GPR142: variants seen among roughly 807,000 people sequenced by gnomAD.
GPR142 encodes G protein-coupled receptor 142, also known as G-protein coupled receptor 142 long form.
GPR142 carries 9 observed loss-of-function variants against 10.6 expected under a neutral mutation model. The observed-to-expected ratio is 0.85, with a 90% CI of 0.51 to 1.48. GPR142 has a LOEUF of 1.48. Among genes scored for constraint, GPR142 ranks in the 40% most tolerant of loss-of-function variants. GPR142 has a pLI of 0.00. For missense variants in GPR142, 482 were observed against 506.0 expected (o/e 0.95, Z 0.45); for synonymous variants, 202 against 221.2 (o/e 0.91, Z 0.77).
Position 74,367,630 on chromosome 17 carries a change from C to G in GPR142, c.-238C>G, listed in dbSNP as rs1200774684. 9.3e-6 allele frequency: 15 copies of G among 1,614,088 alleles called. No homozygotes were observed. The highest frequency in any genetic ancestry group is 1.3e-5 in the African/African-American group (1 of 74,918). On this transcript the variant is annotated 5_prime_UTR_variant, in exon 1 of 4. Transcript: ENST00000582579. ...GAAGACAAATCAATGGTGTCCCATG[C>G]ACAGAAAAGCCAGCATTCTTGTCTC...
chr17:74,369,565 C>A lies in GPR142; in HGVS notation c.25C>A (p.Pro9Thr). Residue 9 changes from proline to threonine, a missense_variant, in exon 2 of 4, where the codon CCT becomes ACT. Pro to Thr is a conservative substitution (Grantham distance 38, BLOSUM62 -1). Transcript: ENST00000582579. MLTGSCGD[P>T]QKKPQVTQDS... ...GATGCTGACAGGGAGCTGCGGGGAC[C>A]CTCAGAAAAAGCCACAGGTGACCCA... 2.6e-6 allele frequency: 4 copies of A among 1,552,838 alleles called. No individual in the cohort carries two copies. Among genetic ancestry groups the A allele is most frequent in the Non-Finnish European group, 3.5e-6 (4 of 1,147,650 alleles).
rs776330900 is a variant in GPR142, at chr17:74,367,799, G to A, written c.-74+5G>A. 1.0e-5 allele frequency: 16 copies of A among 1,592,222 alleles called. No individual in the cohort carries two copies. The East Asian group carries it at 2.5e-4, about 25-fold the overall frequency. On this transcript the variant is annotated splice_donor_5th_base_variant and intron_variant, in intron 1 of 3. Transcript: ENST00000582579. ...GGCCTTCTATGGGGTGGGATGGTAA[G>A]TTGCTGGAAGGACGTGCATGGGGCA...
intron 1 of GPR142, 59 bp from the exon 2 acceptor site, chr17:74,369,409 T>G (rs958810679): frequency 1.3e-6 from 2 of 1,506,504 alleles, no homozygotes; most frequent in Non-Finnish European, 9.0e-7. Context: ...CTTTCCCCGG[T>G]GCCTCCGCCC....
At chr17:74,368,479 G>A (rs187597685) in intron 1 of GPR142, among the ~76,000 whole-genome samples, 28 of 151,522 alleles carry the variant, frequency 1.8e-4, no homozygotes, top group Non-Finnish European at 2.9e-4. Context: ...GAGTATCCGA[G>A]GGGGGGTTGG....
chr17:74,368,687 T>C (rs770593393), intron 1 of GPR142, among the ~76,000 whole-genome samples: 1 of 152,146 alleles, frequency 6.6e-6, no homozygotes, highest in Non-Finnish European at 1.5e-5. Context: ...CTCTGGTCAC[T>C]CTTCCTCTAG....
chr17:74,371,808 C>A lies in GPR142; in HGVS notation c.333C>A (p.Leu111=). 6.2e-7 allele frequency: 1 copy of A among 1,613,582 alleles called. No homozygotes were observed. Among genetic ancestry groups the A allele is most frequent in the South Asian group, 1.1e-5 (1 of 91,078 alleles). ...CCTCCTACTACTACCTTCTGGCGCT[C>A]ACAGCCTCGGATATCATCATCCAGG... ...RRPSYYYLLA[L]TASDIIIQVV... is the part of the protein sequence containing the mutation. The change falls in exon 4 of 4, where the codon CTC becomes CTA. Residue 111 remains leucine, a synonymous_variant. Coordinates refer to ENST00000582579, the MANE Select transcript of GPR142 (RefSeq NM_001331076.1).
Position 74,371,267 on chromosome 17 carries a change from C to G in GPR142, c.254-462C>G, listed in dbSNP as rs999700169. Reference sequence around the variant, plus strand: ...CACTTCCCAGGTTCAAGCAATTCTCCTGCCTCAGCCTCCCAAGTAGCTGGG... The same window carrying G: ...CACTTCCCAGGTTCAAGCAATTCTCGTGCCTCAGCCTCCCAAGTAGCTGGG... On this transcript the variant is annotated intron_variant, in intron 3 of 3. Coordinates refer to ENST00000582579, the MANE Select transcript of GPR142 (RefSeq NM_001331076.1). Among the ~76,000 whole-genome samples the G allele has an allele frequency of 3.2e-4, 48 of 148,904 alleles. No individual in the cohort carries two copies. The Admixed American group carries it at 3.3e-3, about 10-fold the overall frequency.
chr17:74,370,123 G>A (rs1306709397), intron 2 of GPR142, among the ~76,000 whole-genome samples: 5 of 151,944 alleles, frequency 3.3e-5, no homozygotes, highest in African/African-American at 4.8e-5. Flanking sequence ...TTACAAGCAC[G>A]GCTGCTGCAA....
intron 2 of GPR142, 40 bp from the exon 3 acceptor site, chr17:74,370,481 T>A: frequency 6.4e-7 from 1 of 1,571,990 alleles, no homozygotes. Context: ...AGGTTAGAAA[T>A]AGACCAGAGG....
At chr17:74,367,850 C>T in intron 1 of GPR142, 56 bp downstream of exon 1, 1 of 1,451,004 alleles carries the variant, frequency 6.9e-7, no homozygotes, top group South Asian at 1.4e-5. Flanking sequence ...CAGTCCCCCT[C>T]CTCCATCTCT....
intron 1 of GPR142, among the ~76,000 whole-genome samples, chr17:74,368,841 C>T (rs1269929633): frequency 6.6e-6 from 1 of 152,156 alleles, no homozygotes; most frequent in Non-Finnish European, 1.5e-5. Context: ...TTCCCAGCAC[C>T]GGCTGCAGGC....
chr17:74,369,679 A>G, intron 2 of GPR142, 45 bp downstream of exon 2: 1 of 1,520,084 alleles, frequency 6.6e-7, no homozygotes, highest in Non-Finnish European at 8.8e-7. Flanking sequence ...ATAAGGTGGA[A>G]AGGCAGGAGG....
At chr17:74,368,629 G>A (rs559388638) in intron 1 of GPR142, among the ~76,000 whole-genome samples, 1 of 152,292 alleles carries the variant, frequency 6.6e-6, no homozygotes, top group South Asian at 2.1e-4. Flanking sequence ...CTCTCCTCCC[G>A]AGACCGTCCA....
At chr17:74,368,035 C>T (rs1035434729) in intron 1 of GPR142, among the ~76,000 whole-genome samples, 1 of 152,158 alleles carries the variant, frequency 6.6e-6, no homozygotes, top group Admixed American at 6.5e-5. Context: ...AATCCCAGCT[C>T]TTTGAGAGGC....
intron 3 of GPR142, among the ~76,000 whole-genome samples, chr17:74,371,275 G>A (rs1275245802): frequency 1.3e-5 from 2 of 151,402 alleles, no homozygotes; most frequent in Non-Finnish European, 2.9e-5. Flanking sequence ...TCCTGCCTCA[G>A]CCTCCCAAGT....
At position 74,372,556 on chromosome 17, in the gene GPR142, C is replaced by T. The variant is rs1172701334; in HGVS notation, c.1081C>T (p.Pro361Ser). 3 of 1,610,666 alleles carry T rather than the reference C, an allele frequency of 1.9e-6. No homozygotes were observed. The highest frequency in any genetic ancestry group is 2.5e-6 in the Non-Finnish European group (3 of 1,180,028). Residue 361 changes from proline to serine, a missense_variant, in exon 4 of 4, where the codon CCT (proline) becomes TCT (serine). Physicochemically the swap from Pro to Ser is moderately conservative, Grantham distance 74. Coordinates refer to ENST00000582579, the MANE Select transcript of GPR142 (RefSeq NM_001331076.1). ...ASQPEGMAAKPVMEPPGLPTG... is the reference protein window; with the variant it reads ...ASQPEGMAAKSVMEPPGLPTG... The stretch of plus-strand genomic sequence containing the variant: ...ACAGCCAGAGGGCATGGCGGCGAAG[C>T]CTGTGATGGAGCCTCCGGGACTCCC...
chr17:74,370,728 G>T lies in GPR142; in HGVS notation c.253+49G>T, dbSNP rs766023515. On this transcript the variant is annotated intron_variant, in intron 3 of 3. Transcript: ENST00000582579. ...GGACTTGGGCTTGGCCAGAAATGGG[G>T]ATCCTCCTTCAATGGGTGCCAGTCC... The T allele has an allele frequency of 1.9e-6, 3 of 1,565,962 alleles. No homozygotes were observed. In the Middle Eastern group the frequency reaches 5.2e-4, roughly 270 times the overall value.
In GPR142 at chr17:74,372,021, G is replaced by A. The variant is rs372188376; in HGVS notation, c.546G>A (p.Ser182=). Residue 182 remains serine, a synonymous_variant, in exon 4 of 4, where the codon TCG becomes TCA. Coordinates refer to ENST00000582579, the MANE Select transcript of GPR142 (RefSeq NM_001331076.1). ...ACCCCCTGCACCATCGGGCCGCCTC[G>A]TCCCCAGGCCGGACCCGCCGGGCCA... ...LCHPLHHRAA[S]SPGRTRRAIA... 134 of 1,613,426 alleles carry A rather than the reference G, an allele frequency of 8.3e-5. 1 individual carries two copies. Among genetic ancestry groups the A allele is most frequent in the South Asian group, 6.6e-4 (60 of 91,082 alleles).
intron 1 of GPR142, 69 bp downstream of exon 1, chr17:74,367,863 C>T: frequency 3.6e-6 from 5 of 1,379,016 alleles, no homozygotes; most frequent in Non-Finnish European, 9.7e-7. Context: ...CCATCTCTCC[C>T]TCTCCTCGCT....
Sources: allele counts gnomAD v4.1 joint callset (sites outside exome capture counted in the v4.1 genomes callset), GRCh38; gene constraint gnomAD v4.1.1; transcripts MANE v1.5; gene names NCBI Gene and HGNC (gene_info 2026-07-23, HGNC 2026-07-21).